Variants in PSME4 observed in about 807,000 individuals in gnomAD.
PSME4 encodes the protein proteasome activator subunit 4, also known as proteasome activator complex subunit 4.
In PSME4, 89 loss-of-function variants were observed where a neutral mutation model predicts 253.9. That is an observed-to-expected ratio of 0.35 (90% confidence interval 0.30 to 0.42). The LOEUF is 0.42. PSME4 is among the 10% of genes least tolerant of loss of function. The pLI is 1.00. For synonymous variants in PSME4, 851 were observed against 759.2 expected (o/e 1.12, Z -1.99); for missense variants, 2,014 against 2,195.2 (o/e 0.92, Z 1.65).
rs924134681 is a variant in PSME4 at position 53,940,649 on chromosome 2, C to T, written c.501-649G>A. Among the ~76,000 whole-genome samples the T allele has an allele frequency of 4.6e-5, 7 of 151,250 alleles. No individual in the cohort carries two copies. The South Asian group carries it at 6.3e-4, about 14-fold the overall frequency. ...CCACATTTCTTTTTTAATAAAAAGG[C>T]CAATGTGTACTGGTTTAAACACGTG... On this transcript the variant is annotated intron_variant, in intron 3 of 46. Coordinates refer to ENST00000404125, the MANE Select transcript of PSME4 (RefSeq NM_014614.3).
At chr2:53,902,537 T>C (rs373962417) in intron 27 of PSME4, among the ~76,000 whole-genome samples, 3 of 152,326 alleles carry the variant, frequency 2.0e-5, no homozygotes, top group East Asian at 1.9e-4. Flanking sequence ...CTCGATTTTG[T>C]TGATCTAATA....
intron 9 of PSME4, 132 bp from the exon 10 acceptor site, chr2:53,932,232 C>T (rs1668866158): frequency 2.7e-6 from 2 of 743,798 alleles, no homozygotes; most frequent in South Asian, 2.1e-5. Context: ...AAGAACTGCA[C>T]AGCATAACTA....
At chr2:53,929,942 C>T (rs974273569) in intron 10 of PSME4, among the ~76,000 whole-genome samples, 7 of 151,844 alleles carry the variant, frequency 4.6e-5, no homozygotes, top group Admixed American at 3.3e-4. Context: ...CGCTTGAACC[C>T]GAGAGGTGGA....
intron 1 of PSME4, among the ~76,000 whole-genome samples, chr2:53,965,047 C>A (rs1401205305): frequency 6.6e-6 from 1 of 152,000 alleles, no homozygotes; most frequent in Non-Finnish European, 1.5e-5. Flanking sequence ...TCATCTTACA[C>A]CAAACCCACA....
chr2:53,878,988 C>T lies in PSME4; in HGVS notation c.4816-3233G>A, dbSNP rs143310510. Among the ~76,000 whole-genome samples, 30 of 152,254 alleles carry T rather than the reference C, an allele frequency of 2.0e-4. No homozygotes were observed. In the East Asian group the frequency reaches 3.3e-3, roughly 17 times the overall value. ...CACTAATAAAAACTTGCTGGTTTTA[C>T]GGCTCAGGGGCATCAAGGAACCTGC... On this transcript the variant is annotated intron_variant, in intron 41 of 46. Coordinates refer to ENST00000404125, the MANE Select transcript of PSME4 (RefSeq NM_014614.3).
In PSME4 at chr2:53,927,410, C is replaced by G; in HGVS notation, c.1577G>C (p.Arg526Thr). ...TACCCTTACTTCTGTGAGGTCATTT[C>G]TTTCTTGTAGTACAGATGAACAATC... ...LVDCSSVLQE[R>T]NDLTEVEREL... The change falls in exon 12 of 47, where the codon AGA (arginine) becomes ACA (threonine). Residue 526 changes from arginine to threonine, a missense_variant. Around this residue, in one of 4 missense-constraint regions of PSME4, gnomAD observed 989 missense variants for 1,021.1 expected, o/e 0.97. Coordinates refer to ENST00000404125, the MANE Select transcript of PSME4 (RefSeq NM_014614.3). 6.3e-7 allele frequency: 1 copy of G among 1,577,900 alleles called. No individual in the cohort carries two copies. Among genetic ancestry groups the G allele is most frequent in the Non-Finnish European group, 8.7e-7 (1 of 1,147,148 alleles).
chr2:53,961,065 C>A (rs554757581), intron 1 of PSME4, among the ~76,000 whole-genome samples: 1 of 152,272 alleles, frequency 6.6e-6, no homozygotes, highest in Admixed American at 6.5e-5. Flanking sequence ...CAAGATGGTA[C>A]AATTGCACTC....
At chr2:53,948,306 G>T (rs555366115) in intron 3 of PSME4, 115 bp downstream of exon 3, 3 of 712,292 alleles carry the variant, frequency 4.2e-6, no homozygotes, top group East Asian at 2.5e-5. Flanking sequence ...ACAGAAATAG[G>T]CACATTAAAA....
intron 43 of PSME4, among the ~76,000 whole-genome samples, chr2:53,873,870 A>G (rs1176746021): frequency 6.6e-6 from 1 of 152,254 alleles, no homozygotes. Flanking sequence ...AGACAGAACG[A>G]AAACATGCCC....
intron 41 of PSME4, 25 bp downstream of exon 41, chr2:53,885,665 A>AT (rs1558652059): frequency 1.3e-6 from 2 of 1,546,278 alleles, no homozygotes; most frequent in Non-Finnish European, 1.8e-6. Flanking sequence ...AAGGAGATGC[A>AT]TTCTTAATTT....
chr2:53,964,111 A>G (rs1307305951), intron 1 of PSME4, among the ~76,000 whole-genome samples: 1 of 152,222 alleles, frequency 6.6e-6, no homozygotes, highest in African/African-American at 2.4e-5. Flanking sequence ...AGGAAGAAAT[A>G]GCCAATTAAC....
intron 28 of PSME4, among the ~76,000 whole-genome samples, chr2:53,900,635 A>G (rs141688711): frequency 1.2e-4 from 18 of 152,360 alleles, no homozygotes; most frequent in African/African-American, 3.8e-4. Flanking sequence ...TAAAAGGGTG[A>G]TATTTATGAT....
At chr2:53,963,339 A>AC (rs1670574198) in intron 1 of PSME4, among the ~76,000 whole-genome samples, 1 of 152,088 alleles carries the variant, frequency 6.6e-6, no homozygotes, top group African/African-American at 2.4e-5. Flanking sequence ...TTCAAAAAAA[A>AC]ACACACAAAA....
At chr2:53,893,382 G>A (rs1679999611) in intron 35 of PSME4, among the ~76,000 whole-genome samples, 2 of 152,078 alleles carry the variant, frequency 1.3e-5, no homozygotes, top group Non-Finnish European at 1.5e-5. Flanking sequence ...TATTGTATTT[G>A]CATATAACCT....
At chr2:53,927,548 T>C (rs1668614612) in intron 11 of PSME4, 65 bp from the exon 12 acceptor site, 6 of 1,110,638 alleles carry the variant, frequency 5.4e-6, no homozygotes, top group South Asian at 5.1e-5. Context: ...AAGTATACCA[T>C]GAACTACAAT....
chr2:53,914,517 A>C (rs1333431333), intron 20 of PSME4, among the ~76,000 whole-genome samples: 3 of 152,218 alleles, frequency 2.0e-5, no homozygotes, highest in Non-Finnish European at 4.4e-5. Context: ...ATAAGAAAAA[A>C]ATTTATCCTT....
intron 10 of PSME4, among the ~76,000 whole-genome samples, chr2:53,931,321 A>G (rs1485228730): frequency 1.3e-5 from 2 of 152,210 alleles, no homozygotes; most frequent in Non-Finnish European, 2.9e-5. Context: ...TACCACGCCT[A>G]TTCTGTGACA....
intron 4 of PSME4, among the ~76,000 whole-genome samples, 178 bp from the exon 5 acceptor site, chr2:53,937,718 T>C (rs1669188388): frequency 6.6e-6 from 1 of 152,088 alleles, no homozygotes; most frequent in African/African-American, 2.4e-5. Flanking sequence ...AATGCCCCAG[T>C]TGGGTGCAGT....
rs762924044 is a variant in PSME4 at position 53,888,702 on chromosome 2, GT to G, written c.4388+18del. ...AAAACCTTTCGTGTTAACCTCATAG[GT>G]TTTTTAAAAAAATTTACCATGCATC... is the stretch of plus-strand genomic sequence containing the variant. On this transcript the variant is annotated intron_variant, in intron 38 of 46. Transcript: ENST00000404125. 7.7e-6 allele frequency: 12 copies of G among 1,563,064 alleles called. No homozygotes were observed. The South Asian group carries it at 1.2e-4, about 16-fold the overall frequency.
Sources: gnomAD v4.1 joint callset for allele counts (sites outside exome capture counted in the v4.1 genomes callset) on GRCh38, gnomAD v4.1.1 for gene constraint, gnomAD v4.1.1 regional missense constraint, MANE v1.5 for transcripts, NCBI Gene and HGNC (gene_info 2026-07-23, HGNC 2026-07-21) for gene names.